The following CRB2 variants were observed in gnomAD, a reference collection of about 807,000 sequenced individuals.
CRB2 encodes the protein crumbs cell polarity complex component 2, also known as protein crumbs homolog 2.
In CRB2, 85 loss-of-function variants were observed where a neutral mutation model predicts 110.9. That is an observed-to-expected ratio of 0.77 (90% CI 0.64 to 0.92). CRB2 has a LOEUF of 0.92. Ranked by LOEUF, CRB2 falls within the 40% of genes least tolerant of loss-of-function variation. CRB2 has a pLI of 0.00. For missense variants in CRB2, 1,843 were observed against 1,851.3 expected, an observed-to-expected ratio of 1.00 and a Z score of 0.08; for synonymous variants, 907 against 831.0, an observed-to-expected ratio of 1.09 and a Z score of -1.57.
At chr9:123,359,457 T>TTTTTTTTTTTTTTTTTG (rs2041842121) in intron 1 of CRB2, among the ~76,000 whole-genome samples, 1 of 141,098 alleles carries the variant, frequency 7.1e-6, no homozygotes, top group Non-Finnish European at 1.5e-5. Flanking sequence ...TTTTTTTTTT[T>TTTTTTTTTTTTTTTTTG]TTTTTTTTTA....
At position 123,371,840 on chromosome 9, in the gene CRB2, TAGAG is replaced by T. The variant is rs557475833; in HGVS notation, c.2436+265_2436+268del. 3.3e-5 allele frequency among the ~76,000 whole-genome samples: 5 copies of T among 152,198 alleles called. No homozygotes were observed. In the East Asian group the frequency reaches 9.7e-4, roughly 29 times the overall value. On this transcript the variant is annotated intron_variant, in intron 8 of 12. Transcript: ENST00000373631. Reference sequence around the variant, plus strand: ...TGTGAGAGAGACACCCTGACCGAGATAGAGAGCTGCCTGAGCCTTTCTGCAGGAG... The same window carrying T: ...TGTGAGAGAGACACCCTGACCGAGATAGCTGCCTGAGCCTTTCTGCAGGAG...
At chr9:123,359,441 G>GTTTTTTTTTTTT (rs375773781) in intron 1 of CRB2, among the ~76,000 whole-genome samples, 17 of 94,420 alleles carry the variant, frequency 1.8e-4, no homozygotes, top group African/African-American at 5.8e-4. Context: ...TTTTTGTTTT[G>GTTTTTTTTTTTT]TTTTTTTTTT....
Position 123,373,417 on chromosome 9 carries a change from C to A in CRB2, c.2886C>A (p.Ala962=). The A allele has an allele frequency of 1.4e-6, 2 of 1,448,034 alleles. No homozygotes were observed. The highest frequency in any genetic ancestry group is 3.1e-5 in the East Asian group (1 of 32,430). 89.7% of individuals were successfully genotyped at this position (1,448,034 alleles called of 1,614,324 possible). The change falls in exon 10 of 13, where the codon GCC becomes GCA. Residue 962 remains alanine, a synonymous_variant. Coordinates refer to ENST00000373631, the MANE Select transcript of CRB2 (RefSeq NM_173689.7). ...ADGAWHRVRL[A]MERPAATTSR... Reference sequence around the variant, plus strand: ...GTGCCTGGCACCGCGTGCGTCTGGCCATGGAGCGCCCGGCGGCCACCACCT... The same window carrying A: ...GTGCCTGGCACCGCGTGCGTCTGGCAATGGAGCGCCCGGCGGCCACCACCT...
At chr9:123,359,441 G>GTTTTTTTTTTTTTTTTTTTTTTTTTTT (rs375773781) in intron 1 of CRB2, among the ~76,000 whole-genome samples, 2 of 94,440 alleles carry the variant, frequency 2.1e-5, no homozygotes, top group African/African-American at 5.8e-5. Context: ...TTTTTGTTTT[G>GTTTTTTTTTTTTTTTTTTTTTTTTTTT]TTTTTTTTTT....
chr9:123,370,551 T>A lies in CRB2; in HGVS notation c.1498T>A (p.Tyr500Asn), dbSNP rs2041999125. The change falls in exon 7 of 13, where the codon TAC (tyrosine) becomes AAC (asparagine). Residue 500 changes from tyrosine to asparagine, a missense_variant. By Grantham distance (143) the Tyr-to-Asn change is moderately radical. Coordinates refer to ENST00000373631, the MANE Select transcript of CRB2 (RefSeq NM_173689.7). ...CACACTTCAGGCCACACTCTGGAGC[T>A]ACAGCACCACTGTGCTTGTCCTGAG... ...AATLQATLWSYSTTVLVLRLP... is the reference protein window; with the variant it reads ...AATLQATLWSNSTTVLVLRLP... The A allele has an allele frequency of 1.2e-6, 2 of 1,613,466 alleles. No homozygotes were observed. The highest frequency in any genetic ancestry group is 1.7e-6 in the Non-Finnish European group (2 of 1,180,036).
At chr9:123,372,989 T>A in intron 9 of CRB2, 145 bp from the exon 10 acceptor site, 1 of 631,652 alleles carries the variant, frequency 1.6e-6, no homozygotes, top group Admixed American at 3.9e-5. Context: ...TGGGGGCGGC[T>A]GCAGTTTCCA....
chr9:123,370,680 C>T lies in CRB2; in HGVS notation c.1627C>T (p.Arg543Trp), dbSNP rs146158114. Residue 543 changes from arginine to tryptophan, a missense_variant, in exon 7 of 13, where the codon CGG (arginine) becomes TGG (tryptophan). Arg to Trp is a moderately radical substitution (Grantham distance 101, BLOSUM62 -3). Transcript: ENST00000373631. ...GCTCTGGCATGAGGGCTGCCCTGCC[C>T]GGCTCTGTGTGGCCTCTGGTCCTGT... ...LRLWHEGCPARLCVASGPVAL... is the reference protein window; with the variant it reads ...LRLWHEGCPAWLCVASGPVAL... The T allele has an allele frequency of 3.3e-4, 525 of 1,606,096 alleles. 1 individual carries two copies. The highest frequency in any genetic ancestry group is 4.3e-4 in the Non-Finnish European group (502 of 1,180,018).
intron 6 of CRB2, among the ~76,000 whole-genome samples, chr9:123,368,245 C>A (rs1455510996): frequency 6.6e-6 from 1 of 152,174 alleles, no homozygotes; most frequent in Admixed American, 6.5e-5. Flanking sequence ...GCCTCCTCCC[C>A]CTGGCAGGCT....
At chr9:123,364,063 T>C (rs899003907) in intron 2 of CRB2, among the ~76,000 whole-genome samples, 11 of 151,768 alleles carry the variant, frequency 7.2e-5, no homozygotes, top group Admixed American at 2.6e-4. Flanking sequence ...GAGGTACAGA[T>C]TGGGGGGCTG....
rs760985080 is a variant in CRB2 at position 123,373,642 on chromosome 9, C to T, written c.3111C>T (p.Ala1037=). Residue 1037 remains alanine (A), a synonymous_variant, in exon 10 of 13, where the codon GCC becomes GCT. Transcript: ENST00000373631. The part of the protein sequence containing the change: ...ARPRPGAAPG[A]REHFASWPGT... ...CCCGGCCCGGCGCGGCCCCTGGCGC[C>T]CGAGAGCACTTCGCGTCTTGGCCTG... 42 of 1,397,118 alleles carry T rather than the reference C, an allele frequency of 3.0e-5. No homozygotes were observed. The highest frequency in any genetic ancestry group is 3.8e-5 in the Non-Finnish European group (41 of 1,082,074). 86.5% of individuals were successfully genotyped at this position (1,397,118 alleles called of 1,614,324 possible). A position where few individuals can be genotyped will look rare whatever the true frequency, so the allele number is the denominator to read the frequency against.
chr9:123,358,803 C>CT (rs2041828756), intron 1 of CRB2, among the ~76,000 whole-genome samples: 1 of 152,258 alleles, frequency 6.6e-6, no homozygotes, highest in Non-Finnish European at 1.5e-5. Context: ...CGAGGACAGA[C>CT]TGGCTTACTC....
chr9:123,355,226 G>A (rs1276257810), upstream of CRB2, among the ~76,000 whole-genome samples: 1 of 152,184 alleles, frequency 6.6e-6, no homozygotes, highest in East Asian at 1.9e-4. Flanking sequence ...AGCTCCTCCT[G>A]TCCACCCCAA....
intron 6 of CRB2, 44 bp from the exon 7 acceptor site, chr9:123,370,064 C>T (rs1378908960): frequency 6.5e-6 from 10 of 1,544,542 alleles, no homozygotes; most frequent in African/African-American, 1.4e-5. Flanking sequence ...TACTGTGATT[C>T]TGGCCCCAGA....
intron 1 of CRB2, among the ~76,000 whole-genome samples, chr9:123,358,179 C>A (rs889779902): frequency 6.6e-5 from 10 of 152,194 alleles, no homozygotes; most frequent in Non-Finnish European, 1.2e-4. Flanking sequence ...AATTTCCATC[C>A]TGGAGGGGAT....
chr9:123,355,212 G>T (rs2041784692), upstream of CRB2, among the ~76,000 whole-genome samples: 1 of 152,186 alleles, frequency 6.6e-6, no homozygotes, highest in Non-Finnish European at 1.5e-5. Flanking sequence ...AGGTCCCCCT[G>T]AAGAGCTCCT....
In CRB2 at chr9:123,365,989, G is replaced by GC. The variant is rs1564370976; in HGVS notation, c.492dup (p.Val165ArgfsTer117). 1.3e-6 allele frequency: 2 copies of GC among 1,597,164 alleles called. No individual in the cohort carries two copies. The highest frequency in any genetic ancestry group is 1.7e-6 in the Non-Finnish European group (2 of 1,178,920). On this transcript the variant is annotated frameshift_variant, in exon 3 of 13. Transcript: ENST00000373631. LOFTEE classifies it high-confidence loss of function. ...CTGCACGGGGGCTCGTGCCTGGACG[G>GC]CGTGGGCTCCTTCCGCTGTGTGTGC... is the stretch of plus-strand genomic sequence containing the variant.
At chr9:123,356,893 C>G (rs144123017) in intron 1 of CRB2, among the ~76,000 whole-genome samples, 1 of 152,124 alleles carries the variant, frequency 6.6e-6, no homozygotes, top group Non-Finnish European at 1.5e-5. Flanking sequence ...CTAGCACACG[C>G]TGTGGGGTGT....
chr9:123,376,272 T>C (rs1253267855), intron 12 of CRB2, among the ~76,000 whole-genome samples: 1 of 152,158 alleles, frequency 6.6e-6, no homozygotes, highest in Non-Finnish European at 1.5e-5. Context: ...TCTGGAATCC[T>C]CGCATCCTGG....
At chr9:123,371,874 T>C (rs2042022124) in intron 8 of CRB2, among the ~76,000 whole-genome samples, 1 of 152,168 alleles carries the variant, frequency 6.6e-6, no homozygotes, top group Non-Finnish European at 1.5e-5. Context: ...CAGGAGCTAC[T>C]TGGGGAGCGG....
Sources: allele counts gnomAD v4.1 joint callset (sites outside exome capture counted in the v4.1 genomes callset), GRCh38; gene constraint gnomAD v4.1.1; transcripts MANE v1.5; gene names NCBI Gene and HGNC (gene_info 2026-07-23, HGNC 2026-07-21).